MGST1: variants seen among roughly 807,000 people sequenced by gnomAD.
MGST1 encodes microsomal glutathione S-transferase 1, also known as glutathione S-transferase 12.
A neutral mutation model predicts 8.9 loss-of-function variants in MGST1; 5 were observed. The ratio of observed to expected loss-of-function variants is 0.56; its 90% CI spans 0.29 to 1.19. The LOEUF (loss-of-function observed/expected upper bound fraction) is 1.19, where lower values mean the gene tolerates loss of function less well. MGST1 is among the 50% of genes most tolerant of loss of function. The pLI is 0.08. For synonymous variants in MGST1, 54 were observed against 67.8 expected, an observed-to-expected ratio of 0.80 and a Z score of 1.00; for missense variants, 182 against 187.4, an observed-to-expected ratio of 0.97 and a Z score of 0.17.
chr12:16,352,934 A>G (rs1336947163), intron 1 of MGST1, among the ~76,000 whole-genome samples: 1 of 152,068 alleles, frequency 6.6e-6, no homozygotes, highest in East Asian at 1.9e-4. Flanking sequence ...TGTGATAAGG[A>G]TATTATAAAT....
Position 16,363,935 on chromosome 12 carries a change from A to AT in MGST1, c.365dup (p.Leu122PhefsTer9). Reference sequence around the variant, plus strand: ...GCACGGATCTACCACACCATTGCATATTTGACACCCCTTCCCCAGCCAAAT... The same window carrying AT: ...GCACGGATCTACCACACCATTGCATATTTTGACACCCCTTCCCCAGCCAAAT... On this transcript the variant is annotated frameshift_variant, in exon 4 of 4. Coordinates refer to ENST00000396210, the MANE Select transcript of MGST1 (RefSeq NM_020300.5). LOFTEE classifies it high-confidence loss of function. The surrounding 1 kb of genome is among the most constrained non-coding windows in gnomAD (Gnocchi z 4.6). 1 of 1,613,886 alleles carries AT rather than the reference A, an allele frequency of 6.2e-7. No individual in the cohort carries two copies. The highest frequency in any genetic ancestry group is 8.5e-7 in the Non-Finnish European group (1 of 1,179,884).
chr12:16,526,100 T>C lies in MGST1; in HGVS notation n.483-63428T>C, dbSNP rs901891669. Among the ~76,000 whole-genome samples, 25 of 147,690 alleles carry C rather than the reference T, an allele frequency of 1.7e-4. No individual in the cohort carries two copies. The South Asian group carries it at 5.0e-3, about 29-fold the overall frequency. On this transcript the variant is annotated intron_variant and non_coding_transcript_variant, in intron 4 of 4. Transcript: ENST00000538857. ...TTTCTCCCATTTTGTAGGTTGCCTGTTCACTCTGATGGTAGTTTCTTTTGC... is the reference window on the plus strand; with the variant it reads ...TTTCTCCCATTTTGTAGGTTGCCTGCTCACTCTGATGGTAGTTTCTTTTGC...
chr12:16,592,098 T>C (rs1220839749), downstream of MGST1, among the ~76,000 whole-genome samples: 1 of 152,100 alleles, frequency 6.6e-6, no homozygotes, highest in Non-Finnish European at 1.5e-5. Flanking sequence ...AAAGTATGTA[T>C]AACTTTGTAC....
intron 1 of MGST1, among the ~76,000 whole-genome samples, chr12:16,423,033 CTGTT>C (rs1190226611): frequency 2.6e-5 from 4 of 152,206 alleles, no homozygotes; most frequent in Admixed American, 6.5e-5. Context: ...TCCCCTGACT[CTGTT>C]TGTCTCCTCC....
chr12:16,518,891 C>T (rs1941632063), intron 4 of MGST1, among the ~76,000 whole-genome samples: 1 of 152,198 alleles, frequency 6.6e-6, no homozygotes, highest in Non-Finnish European at 1.5e-5. Flanking sequence ...ACATTATCAG[C>T]TACACTGATA....
chr12:16,526,946 A>G (rs984627282), intron 4 of MGST1, among the ~76,000 whole-genome samples: 4 of 151,984 alleles, frequency 2.6e-5, no homozygotes, highest in African/African-American at 9.7e-5. Context: ...CTTAGGAACC[A>G]AAAGAGCTGA....
Position 16,503,110 on chromosome 12 carries a change from GAAGGA to G in MGST1, n.483-86409_483-86405del, listed in dbSNP as rs1389602644. On this transcript the variant is annotated intron_variant and non_coding_transcript_variant, in intron 4 of 4. Coordinates refer to the MGST1 transcript ENST00000538857. This position sits in a 1 kb window ranked among gnomAD's most constrained non-coding sequence, Gnocchi z 4.8. ...TTCAGCGGATGGTGTTAAGAATGAA[GAAGGA>G]AAGGAAAGAAGTTAAAATAGAAGTT... Among the ~76,000 whole-genome samples, 1 of 152,172 alleles carries G rather than the reference GAAGGA, an allele frequency of 6.6e-6. No homozygotes were observed. Among genetic ancestry groups the G allele is most frequent in the Non-Finnish European group, 1.5e-5 (1 of 68,040 alleles).
rs1408716413 is a variant in MGST1 at position 16,399,700 on chromosome 12, C to T, written n.778+16096C>T. Reference sequence around the variant, plus strand: ...TGTTCGAAAAAGCCCTCAGGGTCATCAACAATGGTCTTTATTGCTTTAGTC... The same window carrying T: ...TGTTCGAAAAAGCCCTCAGGGTCATTAACAATGGTCTTTATTGCTTTAGTC... On this transcript the variant is annotated intron_variant and non_coding_transcript_variant, in intron 1 of 1. Coordinates refer to the MGST1 transcript ENST00000359720. The T allele has an allele frequency of 3.1e-6, 4 of 1,298,746 alleles. No individual in the cohort carries two copies. The South Asian group carries it at 3.5e-5, about 12-fold the overall frequency. The allele number at this position is 1,298,746 out of a possible 1,614,324, so 80.5% of individuals were successfully genotyped here.
At chr12:16,508,978 T>C (rs1591747886) in intron 4 of MGST1, among the ~76,000 whole-genome samples, 1 of 152,198 alleles carries the variant, frequency 6.6e-6, no homozygotes, top group Non-Finnish European at 1.5e-5. Flanking sequence ...TTGAAGATTC[T>C]TGATGCTGCT....
chr12:16,453,221 G>A (rs939363657), intron 4 of MGST1, among the ~76,000 whole-genome samples: 94 of 152,050 alleles, frequency 6.2e-4, no homozygotes, highest in African/African-American at 2.2e-3. Context: ...GAGAGGCAAT[G>A]TGGAGATAGC....
At chr12:16,394,513 C>CTTTCTTT (rs1940584541) in intron 1 of MGST1, among the ~76,000 whole-genome samples, 6 of 84,478 alleles carry the variant, frequency 7.1e-5, no homozygotes, top group African/African-American at 2.9e-4. Flanking sequence ...TCTTTCTCTC[C>CTTTCTTT]CTTTCTTTCT....
chr12:16,560,553 A>AC lies in MGST1; in HGVS notation n.483-28975_483-28974insC. ...CACCAAAGAGCCTAGAATAAGAAAC[A>AC]TTTTTTTTTTTTTACAAACTCTTAC... On this transcript the variant is annotated intron_variant and non_coding_transcript_variant, in intron 4 of 4. Transcript: ENST00000538857. The surrounding 1 kb of genome is among the most constrained non-coding windows in gnomAD (Gnocchi z 5.0). 1 of 1,414,568 alleles carries AC rather than the reference A, an allele frequency of 7.1e-7. No homozygotes were observed. The highest frequency in any genetic ancestry group is 9.6e-7 in the Non-Finnish European group (1 of 1,037,332). The allele number at this position is 1,414,568 out of a possible 1,614,324, so 87.6% of individuals were successfully genotyped here.
At chr12:16,551,096 T>C (rs572372816) in intron 4 of MGST1, 80 of 640,970 alleles carry the variant, frequency 1.2e-4, no homozygotes, top group Admixed American at 5.8e-4. Context: ...TTATTCCATA[T>C]AACCATCCTG....
chr12:16,476,904 T>A (rs941984319), intron 4 of MGST1, among the ~76,000 whole-genome samples: 3 of 152,198 alleles, frequency 2.0e-5, no homozygotes, highest in African/African-American at 7.2e-5. Flanking sequence ...GGAAAGAGAT[T>A]TGGCCCTGAA....
intron 4 of MGST1, among the ~76,000 whole-genome samples, chr12:16,485,415 C>A (rs1941393834): frequency 1.3e-5 from 2 of 152,136 alleles, no homozygotes; most frequent in Admixed American, 1.3e-4. Flanking sequence ...CAAGAACTCA[C>A]CCGTTACACA....
downstream of MGST1, among the ~76,000 whole-genome samples, chr12:16,591,385 C>T (rs1297484904): frequency 4.6e-5 from 7 of 152,054 alleles, no homozygotes; most frequent in Non-Finnish European, 1.0e-4. The surrounding 1 kb of genome is among the most constrained non-coding windows in gnomAD (Gnocchi z 4.1). Context: ...ACCCCCTCCA[C>T]ACAAACCAAA....
At chr12:16,353,646 G>C (rs766808411) in intron 1 of MGST1, among the ~76,000 whole-genome samples, 9 of 150,812 alleles carry the variant, frequency 6.0e-5, no homozygotes, top group Non-Finnish European at 1.0e-4. Flanking sequence ...TATGTTTAGG[G>C]CATTTTTGCT....
downstream of MGST1, among the ~76,000 whole-genome samples, chr12:16,443,068 G>GTT (rs1941051249): frequency 6.6e-6 from 1 of 151,586 alleles, no homozygotes; most frequent in African/African-American, 2.4e-5. Flanking sequence ...CAAGTTTAGG[G>GTT]TTATATATAT....
chr12:16,364,246 C>A lies in MGST1; in HGVS notation c.*205C>A. The A allele has an allele frequency of 2.4e-6, 3 of 1,251,124 alleles. No homozygotes were observed. The highest frequency in any genetic ancestry group is 3.0e-6 in the Non-Finnish European group (3 of 995,570). 77.5% of individuals were successfully genotyped at this position (1,251,124 alleles called of 1,614,324 possible). A position where few individuals can be genotyped will look rare whatever the true frequency, so the allele number is the denominator to read the frequency against. ...AAATTTAACATAGTAATTCTTAAGT[C>A]TTTTGTCTGATTTTTAAAGTACTTT... is the stretch of plus-strand genomic sequence containing the variant. On this transcript the variant is annotated 3_prime_UTR_variant, in exon 4 of 4. Coordinates refer to ENST00000396210, the MANE Select transcript of MGST1 (RefSeq NM_020300.5). This position sits in a 1 kb window ranked among gnomAD's most constrained non-coding sequence, Gnocchi z 5.7.
Sources: gnomAD v4.1 joint callset for allele counts (sites outside exome capture counted in the v4.1 genomes callset) on GRCh38, gnomAD v4.1.1 for gene constraint, Gnocchi (gnomAD v3.1) non-coding constraint, MANE v1.5 for transcripts, NCBI Gene and HGNC (gene_info 2026-07-23, HGNC 2026-07-21) for gene names.